Variants in CFAP20DC observed in about 807,000 individuals in gnomAD.
CFAP20DC encodes the protein protein CFAP20DC.
A neutral mutation model predicts 101.7 loss-of-function variants in CFAP20DC; 84 were observed. That is an observed-to-expected ratio of 0.83 (90% CI 0.69 to 0.99). CFAP20DC has a LOEUF of 0.99. Ranked by LOEUF, CFAP20DC falls within the 50% of genes least tolerant of loss-of-function variation. The pLI is 0.00. For synonymous variants in CFAP20DC, 359 were observed against 351.2 expected, an observed-to-expected ratio of 1.02 and a Z score of -0.25; for missense variants, 1,007 against 970.3, an observed-to-expected ratio of 1.04 and a Z score of -0.50.
At chr3:59,005,887 T>G (rs998850054) in intron 4 of CFAP20DC, among the ~76,000 whole-genome samples, 1 of 152,182 alleles carries the variant, frequency 6.6e-6, no homozygotes, top group African/African-American at 2.4e-5. Flanking sequence ...TTACAAAATA[T>G]CCTAGATACA....
At chr3:58,779,814 T>C (rs557077267) in intron 15 of CFAP20DC, among the ~76,000 whole-genome samples, 2 of 152,160 alleles carry the variant, frequency 1.3e-5, no homozygotes, top group South Asian at 2.1e-4. Context: ...AATGGAAAAA[T>C]TCCAAATTCT....
chr3:58,773,483 A>C (rs2071045861), intron 15 of CFAP20DC, among the ~76,000 whole-genome samples: 1 of 151,778 alleles, frequency 6.6e-6, no homozygotes, highest in Non-Finnish European at 1.5e-5. Context: ...TTGAGCCTGG[A>C]GGGTCGAGGC....
In CFAP20DC at chr3:58,912,133, T is replaced by G. The variant is rs558958620; in HGVS notation, c.550+1575A>C. Among the ~76,000 whole-genome samples, 30 of 152,146 alleles carry G rather than the reference T, an allele frequency of 2.0e-4. 1 individual carries two copies. Among genetic ancestry groups the G allele is most frequent in the Admixed American group, 1.3e-4 (2 of 15,254 alleles). On this transcript the variant is annotated intron_variant, in intron 6 of 16. Coordinates refer to ENST00000482387, the MANE Select transcript of CFAP20DC (RefSeq NM_001394063.1). The surrounding 1 kb of genome is among the most constrained non-coding windows in gnomAD (Gnocchi z 4.4). ...TGGATTTATGCCTTTTTTATTCCTA[T>G]ATAGTAATTTCAGTGGAGCTTGAGG...
chr3:58,772,460 T>C (rs2070936398), intron 15 of CFAP20DC, among the ~76,000 whole-genome samples: 1 of 152,110 alleles, frequency 6.6e-6, no homozygotes, highest in East Asian at 1.9e-4. Context: ...TTTGATAAAA[T>C]AGGGTAAAAT....
chr3:58,947,771 A>G (rs1270679805), intron 4 of CFAP20DC, among the ~76,000 whole-genome samples: 1 of 152,178 alleles, frequency 6.6e-6, no homozygotes, highest in Non-Finnish European at 1.5e-5. Context: ...TAATCTCATG[A>G]AGCAGGAGTG....
At chr3:59,026,760 G>C (rs1560013731) in intron 4 of CFAP20DC, among the ~76,000 whole-genome samples, 2 of 152,136 alleles carry the variant, frequency 1.3e-5, no homozygotes, top group Non-Finnish European at 2.9e-5. Context: ...AAATTCAATA[G>C]GGTAGAAGAC....
chr3:59,003,799 C>A (rs2093368788), intron 4 of CFAP20DC, among the ~76,000 whole-genome samples: 1 of 152,164 alleles, frequency 6.6e-6, no homozygotes, highest in African/African-American at 2.4e-5. Flanking sequence ...AGTAGAGGAA[C>A]CTATAATGAA....
intron 15 of CFAP20DC, among the ~76,000 whole-genome samples, chr3:58,792,782 C>T (rs1007283455): frequency 6.6e-6 from 1 of 151,608 alleles, no homozygotes; most frequent in Non-Finnish European, 1.5e-5. Context: ...AATATAAAGA[C>T]AAATCAGTGG....
chr3:58,748,410 C>T (rs1179367967), intron 16 of CFAP20DC, among the ~76,000 whole-genome samples: 2 of 152,242 alleles, frequency 1.3e-5, no homozygotes, highest in East Asian at 3.9e-4. Flanking sequence ...GAGCCTCAGA[C>T]ACCTGCAATG....
intron 12 of CFAP20DC, chr3:58,862,751 A>G: frequency 1.0e-6 from 1 of 973,916 alleles, no homozygotes; most frequent in Non-Finnish European, 1.2e-6. Context: ...AAAGCTTTGT[A>G]CATTTTCACT....
At chr3:59,026,403 G>T (rs1288955885) in intron 4 of CFAP20DC, among the ~76,000 whole-genome samples, 2 of 152,080 alleles carry the variant, frequency 1.3e-5, no homozygotes, top group Non-Finnish European at 2.9e-5. Flanking sequence ...TTTGCATTTG[G>T]TTAACATCTC....
intron 14 of CFAP20DC, among the ~76,000 whole-genome samples, chr3:58,814,236 T>A (rs1304223254): frequency 6.6e-6 from 1 of 151,942 alleles, no homozygotes; most frequent in Non-Finnish European, 1.5e-5. Context: ...CTATTCCAAA[T>A]GACTTACTCC....
intron 13 of CFAP20DC, among the ~76,000 whole-genome samples, chr3:58,848,252 T>C (rs1308718038): frequency 2.0e-5 from 3 of 151,836 alleles, no homozygotes; most frequent in East Asian, 3.9e-4. Context: ...CTGATGATAA[T>C]CATGAATATA....
intron 4 of CFAP20DC, among the ~76,000 whole-genome samples, chr3:58,981,788 T>C (rs1264914041): frequency 2.6e-5 from 4 of 152,144 alleles, no homozygotes; most frequent in Non-Finnish European, 4.4e-5. Flanking sequence ...ATTCAGGACA[T>C]AGGCATGGGC....
At chr3:58,941,309 C>G (rs1576410957) in intron 4 of CFAP20DC, among the ~76,000 whole-genome samples, 1 of 110,408 alleles carries the variant, frequency 9.1e-6, no homozygotes, top group African/African-American at 3.7e-5. Context: ...AGCCTGGCGA[C>G]AGAGCGAGAC....
At position 58,955,219 on chromosome 3, in the gene CFAP20DC, T is replaced by C. The variant is rs2090517413; in HGVS notation, c.279-17457A>G. ...TGCAAGTACACCAATTTAACAACTA[T>C]ACACAGAAAAAAACACCTTCATAAG... On this transcript the variant is annotated intron_variant, in intron 4 of 16. Transcript: ENST00000482387. Among the ~76,000 whole-genome samples, 3 of 152,010 alleles carry C rather than the reference T, an allele frequency of 2.0e-5. 1 individual carries two copies. Among genetic ancestry groups the C allele is most frequent in the South Asian group, 4.1e-4 (2 of 4,822 alleles).
chr3:58,853,343 T>C (rs1413108650), intron 12 of CFAP20DC, among the ~76,000 whole-genome samples: 2 of 152,110 alleles, frequency 1.3e-5, no homozygotes, highest in Non-Finnish European at 2.9e-5. Flanking sequence ...CAATAATCAA[T>C]AGCTTACCAA....
intron 15 of CFAP20DC, among the ~76,000 whole-genome samples, chr3:58,801,870 A>T (rs1345606101): frequency 6.6e-6 from 1 of 152,254 alleles, no homozygotes; most frequent in Non-Finnish European, 1.5e-5. Flanking sequence ...TGACATTTTT[A>T]AAAACTACAG....
chr3:58,933,290 C>A (rs376119933), intron 5 of CFAP20DC, among the ~76,000 whole-genome samples: 1 of 151,852 alleles, frequency 6.6e-6, no homozygotes, highest in Non-Finnish European at 1.5e-5. Context: ...GAGTGACCTA[C>A]AAAGAGACTT....
Sources: gnomAD v4.1 joint callset for allele counts (sites outside exome capture counted in the v4.1 genomes callset) on GRCh38, gnomAD v4.1.1 for gene constraint, Gnocchi (gnomAD v3.1) non-coding constraint, MANE v1.5 for transcripts, NCBI Gene and HGNC (gene_info 2026-07-23, HGNC 2026-07-21) for gene names.